The following NEDD4 variants were observed in gnomAD, a reference collection of about 807,000 sequenced individuals.
NEDD4 encodes E3 ubiquitin-protein ligase NEDD4.
A neutral mutation model predicts 144.9 loss-of-function variants in NEDD4; 99 were observed. The ratio of observed to expected loss-of-function variants is 0.68; its 90% CI spans 0.58 to 0.81. The LOEUF (loss-of-function observed/expected upper bound fraction) is 0.81. Ranked by LOEUF, NEDD4 falls within the 30% of genes least tolerant of loss-of-function variation. The pLI is 0.00. For synonymous variants in NEDD4, 318 were observed against 350.6 expected (o/e 0.91, Z 1.04); for missense variants, 985 against 1,065.9 (o/e 0.92, Z 1.06).
chr15:55,867,423 A>T (rs2034623070), intron 8 of NEDD4, among the ~76,000 whole-genome samples: 1 of 152,234 alleles, frequency 6.6e-6, no homozygotes, highest in Non-Finnish European at 1.5e-5. Flanking sequence ...ACAGAAACTC[A>T]ACTGTGAATA....
In NEDD4 at chr15:55,848,445, A is replaced by G; in HGVS notation, c.1484-15T>C. 1.2e-6 allele frequency: 2 copies of G among 1,614,040 alleles called. No individual in the cohort carries two copies. Among genetic ancestry groups the G allele is most frequent in the Non-Finnish European group, 1.7e-6 (2 of 1,179,908 alleles). ...TCTTTTTATATCTGAAGGGAAGAAA[A>G]AGAAAAAAGATGTACTTTCTCACAC... On this transcript the variant is annotated splice_polypyrimidine_tract_variant and intron_variant, in intron 16 of 28. Transcript: ENST00000435532.
At chr15:55,992,880 C>A (rs1199144117) in intron 1 of NEDD4, among the ~76,000 whole-genome samples, 2 of 152,158 alleles carry the variant, frequency 1.3e-5, no homozygotes, top group Non-Finnish European at 2.9e-5. Context: ...TTTTTAACAT[C>A]AACGACGACC....
At chr15:55,883,926 CTGG>C (rs1174300209) in intron 5 of NEDD4, among the ~76,000 whole-genome samples, 29 of 148,908 alleles carry the variant, frequency 1.9e-4, no homozygotes, top group African/African-American at 6.7e-4. Flanking sequence ...GTTGCCCAGG[CTGG>C]AGTACAGTGG....
At position 55,852,452 on chromosome 15, in the gene NEDD4, G is replaced by A. The variant is rs369327462; in HGVS notation, c.1118C>T (p.Thr373Met). 1.9e-5 allele frequency: 30 copies of A among 1,612,144 alleles called. No individual in the cohort carries two copies. The South Asian group carries it at 1.9e-4, about 10-fold the overall frequency. ...RSYYVDHNSR[T>M]TTWTKPTVQA... The stretch of plus-strand genomic sequence containing the variant: ...TACAGTGGGCTTTGTCCAAGTAGTC[G>A]TTCTGGAATTGTGATCTACATAATA... Residue 373 changes from threonine to methionine, a missense_variant, in exon 13 of 29, where the codon ACG becomes ATG. Coordinates refer to ENST00000435532, the MANE Select transcript of NEDD4 (RefSeq NM_006154.4).
intron 5 of NEDD4, among the ~76,000 whole-genome samples, chr15:55,896,047 T>C (rs1311328659): frequency 2.6e-5 from 4 of 152,214 alleles, no homozygotes; most frequent in Admixed American, 2.6e-4. Flanking sequence ...TTCCTTGGCA[T>C]GGAATTCTAG....
chr15:55,870,402 G>C (rs1432064230), intron 7 of NEDD4, among the ~76,000 whole-genome samples: 1 of 151,818 alleles, frequency 6.6e-6, no homozygotes, highest in Admixed American at 6.6e-5. Context: ...TTTTTATATT[G>C]TATCACCTTT....
chr15:55,963,228 C>T lies in NEDD4; in HGVS notation c.119+3245G>A, dbSNP rs116630372. ...CTCATTGGAGCCTTGACCTCCTGGG[C>T]TCCAGCGATCCTCCAACCTCAGCCT... On this transcript the variant is annotated intron_variant, in intron 2 of 28. Transcript: ENST00000435532. Among the ~76,000 whole-genome samples, 1,386 of 149,932 alleles carry T rather than the reference C, an allele frequency of 9.2e-3. 24 individuals are homozygous for T. Among genetic ancestry groups the T allele is most frequent in the African/African-American group, 0.033 (1,326 of 40,792 alleles).
intron 4 of NEDD4, among the ~76,000 whole-genome samples, chr15:55,926,243 C>T (rs1480803989): frequency 6.6e-6 from 1 of 151,948 alleles, no homozygotes; most frequent in East Asian, 1.9e-4. Context: ...GAAATGTATC[C>T]CTTGTACCTA....
At chr15:55,865,216 A>C (rs2034546293) in intron 8 of NEDD4, among the ~76,000 whole-genome samples, 1 of 151,492 alleles carries the variant, frequency 6.6e-6, no homozygotes, top group Admixed American at 6.6e-5. Context: ...AAAAAAAAAA[A>C]AACTTTATAG....
At position 55,860,653 on chromosome 15, in the gene NEDD4, A is replaced by G. The variant is rs777906774; in HGVS notation, c.792+8T>C. 1.2e-6 allele frequency: 2 copies of G among 1,612,250 alleles called. No homozygotes were observed. Among genetic ancestry groups the G allele is most frequent in the Non-Finnish European group, 1.7e-6 (2 of 1,179,760 alleles). ...GTCTTTCAAGGAGAACTAGGAAACT[A>G]CTTATACCTCGGAAGACTCTCGGTT... On this transcript the variant is annotated splice_region_variant and intron_variant, in intron 10 of 28. Transcript: ENST00000435532.
chr15:55,926,902 CCT>C (rs2142239669), intron 4 of NEDD4, among the ~76,000 whole-genome samples: 1 of 151,786 alleles, frequency 6.6e-6, no homozygotes, highest in Admixed American at 6.6e-5. Flanking sequence ...AGGGTGAAAC[CCT>C]GTCTCTACTA....
At chr15:55,922,715 G>A (rs1163278753) in intron 5 of NEDD4, among the ~76,000 whole-genome samples, 1 of 152,092 alleles carries the variant, frequency 6.6e-6, no homozygotes, top group African/African-American at 2.4e-5. Flanking sequence ...ATTTTAAAAA[G>A]CAAAGAATGA....
intron 2 of NEDD4, among the ~76,000 whole-genome samples, chr15:55,959,643 A>G (rs1402585315): frequency 1.3e-5 from 2 of 152,248 alleles, no homozygotes; most frequent in African/African-American, 4.8e-5. Flanking sequence ...ATTACATTAC[A>G]TAAGATTGTA....
chr15:55,943,653 G>A (rs2037050310), intron 4 of NEDD4, among the ~76,000 whole-genome samples: 1 of 152,204 alleles, frequency 6.6e-6, no homozygotes, highest in Non-Finnish European at 1.5e-5. Context: ...CCACACAGAA[G>A]TCTGGATATT....
At chr15:55,887,067 C>A (rs113874414) in intron 5 of NEDD4, among the ~76,000 whole-genome samples, 1 of 150,526 alleles carries the variant, frequency 6.6e-6, no homozygotes, top group African/African-American at 2.4e-5. Context: ...AAATAAACAG[C>A]GTAAAAAGTG....
At chr15:55,840,000 ATATATATATATATAT>A (rs1339645466) in intron 21 of NEDD4, among the ~76,000 whole-genome samples, 739 of 13,274 alleles carry the variant, frequency 0.056, 50 homozygotes, top group Middle Eastern at 0.091. Flanking sequence ...AAAAAAAAAA[ATATATATATATATAT>A]ATATATATAT....
chr15:55,956,381 T>C (rs1595874509), intron 2 of NEDD4, among the ~76,000 whole-genome samples: 2 of 152,204 alleles, frequency 1.3e-5, no homozygotes, highest in East Asian at 1.9e-4. Flanking sequence ...AAACTTTGTG[T>C]AACCCAATAG....
intron 5 of NEDD4, among the ~76,000 whole-genome samples, chr15:55,881,894 C>A (rs574138909): frequency 6.6e-6 from 1 of 152,100 alleles, no homozygotes; most frequent in African/African-American, 2.4e-5. Context: ...GGATATTTAC[C>A]AACATTCCTG....
intron 4 of NEDD4, among the ~76,000 whole-genome samples, chr15:55,924,938 T>C (rs1363010121): frequency 6.6e-6 from 1 of 152,106 alleles, no homozygotes; most frequent in Non-Finnish European, 1.5e-5. Flanking sequence ...TATGGTGGCA[T>C]GTGCCTGTAG....
Sources: gnomAD v4.1 joint callset for allele counts (sites outside exome capture counted in the v4.1 genomes callset) on GRCh38, gnomAD v4.1.1 for gene constraint, MANE v1.5 for transcripts, NCBI Gene and HGNC (gene_info 2026-07-23, HGNC 2026-07-21) for gene names.